The following DENND3 variants were observed in gnomAD, a reference collection of about 807,000 sequenced individuals.
DENND3 encodes the protein DENN domain containing 3.
Under a neutral mutation model 135.1 loss-of-function variants are expected in DENND3, and 88 were observed. The observed-to-expected ratio is 0.65, with a 90% CI of 0.55 to 0.78. The LOEUF (loss-of-function observed/expected upper bound fraction) is 0.78, where lower values mean the gene tolerates loss of function less well. DENND3 is among the 30% of genes least tolerant of loss of function. DENND3 has a pLI of 0.00. For missense variants in DENND3, 1,392 were observed against 1,688.4 expected (o/e 0.82, Z 3.08); for synonymous variants, 693 against 712.3 (o/e 0.97, Z 0.43).
rs1589605589 is a variant in DENND3, at chr8:141,155,977, G to A, written c.1196+7G>A. The A allele has an allele frequency of 6.3e-7, 1 of 1,596,960 alleles. No individual in the cohort carries two copies. On this transcript the variant is annotated splice_region_variant and intron_variant, in intron 8 of 22. Transcript: ENST00000519811. ...CCCAGACGTTTATTCAGAGGTAACGGGAAACATTAATGGTATGAATTTCAG... is the reference window on the plus strand; with the variant it reads ...CCCAGACGTTTATTCAGAGGTAACGAGAAACATTAATGGTATGAATTTCAG...
intron 9 of DENND3, among the ~76,000 whole-genome samples, chr8:141,162,542 C>T (rs969755446): frequency 3.3e-5 from 5 of 152,072 alleles, no homozygotes; most frequent in African/African-American, 1.2e-4. Flanking sequence ...CTAAGTATGC[C>T]CTGTAAGGTT....
chr8:141,166,127 T>A lies in DENND3; in HGVS notation c.1554-63T>A, dbSNP rs1820752463. ...CATCACACTGGGAAAAATGCTTAGT[T>A]TAGGCTTATTCTTCAATCATTATTG... is the stretch of plus-strand genomic sequence containing the variant. On this transcript the variant is annotated intron_variant, in intron 11 of 22. Coordinates refer to ENST00000519811, the MANE Select transcript of DENND3 (RefSeq NM_001352890.3). This position sits in a 1 kb window ranked among gnomAD's most constrained non-coding sequence, Gnocchi z 4.3. 4.6e-6 allele frequency: 7 copies of A among 1,530,588 alleles called. No individual in the cohort carries two copies. The highest frequency in any genetic ancestry group is 6.3e-6 in the Non-Finnish European group (7 of 1,108,234). The allele number at this position is 1,530,588 out of a possible 1,614,324, so 94.8% of individuals were successfully genotyped here. A position where few individuals can be genotyped will look rare whatever the true frequency, so the allele number is the denominator to read the frequency against.
At chr8:141,151,503 G>A in intron 6 of DENND3, 116 bp from the exon 7 acceptor site, 2 of 955,838 alleles carry the variant, frequency 2.1e-6, no homozygotes, top group Non-Finnish European at 3.2e-6. Context: ...CGAGGCTGCA[G>A]TGAGCTATGA....
In DENND3 at chr8:141,168,472, G is replaced by C; in HGVS notation, c.2222G>C (p.Gly741Ala). 1 of 1,613,502 alleles carries C rather than the reference G, an allele frequency of 6.2e-7. No individual in the cohort carries two copies. Among genetic ancestry groups the C allele is most frequent in the Non-Finnish European group, 8.5e-7 (1 of 1,179,900 alleles). ...GDFMKRVQES[G>A]IVKDASIIHR... The stretch of plus-strand genomic sequence containing the variant: ...TTCATGAAGCGGGTCCAGGAGTCAG[G>C]GATCGTGAAGGACGCCAGCATCATA... The change falls in exon 13 of 23, where the codon GGG (glycine) becomes GCG (alanine). Residue 741 changes from glycine to alanine, a missense_variant. By Grantham distance (60) the Gly-to-Ala change is moderately conservative. Transcript: ENST00000519811. The surrounding 1 kb of genome is among the most constrained non-coding windows in gnomAD (Gnocchi z 6.2).
intron 13 of DENND3, among the ~76,000 whole-genome samples, chr8:141,172,457 C>A (rs556043140): frequency 1.3e-5 from 2 of 152,256 alleles, no homozygotes; most frequent in Admixed American, 6.5e-5. Context: ...CTGAGGTCAG[C>A]GCTGTTATCT....
intron 10 of DENND3, among the ~76,000 whole-genome samples, chr8:141,164,406 T>C (rs1377756612): frequency 6.6e-6 from 1 of 152,234 alleles, no homozygotes; most frequent in Non-Finnish European, 1.5e-5. Flanking sequence ...GGGTTTGTTT[T>C]TACAGCTTTG....
At chr8:141,186,181 G>A (rs1183413526) in intron 18 of DENND3, among the ~76,000 whole-genome samples, 1 of 152,114 alleles carries the variant, frequency 6.6e-6, no homozygotes, top group East Asian at 1.9e-4. Context: ...CTGTACTGCA[G>A]CACTAAGGTT....
In DENND3 at chr8:141,174,208, G is replaced by A. The variant is rs1569556409; in HGVS notation, c.2276-992G>A. Among the ~76,000 whole-genome samples, 1 of 152,146 alleles carries A rather than the reference G, an allele frequency of 6.6e-6. No individual in the cohort carries two copies. Among genetic ancestry groups the A allele is most frequent in the Non-Finnish European group, 1.5e-5 (1 of 68,022 alleles). ...TGGGGCCCAATCTTGGAAGAATGTGGCTGTGGTATACAGAAGCAGCCCTGA... is the reference window on the plus strand; with the variant it reads ...TGGGGCCCAATCTTGGAAGAATGTGACTGTGGTATACAGAAGCAGCCCTGA... On this transcript the variant is annotated intron_variant, in intron 13 of 22. Transcript: ENST00000519811. The surrounding 1 kb of genome is among the most constrained non-coding windows in gnomAD (Gnocchi z 4.6).
intron 20 of DENND3, among the ~76,000 whole-genome samples, chr8:141,190,949 G>A (rs993676423): frequency 5.3e-5 from 8 of 152,242 alleles, no homozygotes; most frequent in South Asian, 2.1e-4. Flanking sequence ...ATTTCTGGAC[G>A]CCCCAGAGCA....
chr8:141,168,043 T>A lies in DENND3; in HGVS notation c.1793T>A (p.Ile598Asn). The A allele has an allele frequency of 6.2e-7, 1 of 1,613,802 alleles. No homozygotes were observed. Among genetic ancestry groups the A allele is most frequent in the East Asian group, 2.2e-5 (1 of 44,876 alleles). Reference sequence around the variant, plus strand: ...CCGAAGTCCCCGTATACATTCAAGATTCCCGAAATCCACTTTCCGCTGGAG... The same window carrying A: ...CCGAAGTCCCCGTATACATTCAAGAATCCCGAAATCCACTTTCCGCTGGAG... Reference protein sequence around the residue: ...VTPKSPYTFKIPEIHFPLESK... With the variant: ...VTPKSPYTFKNPEIHFPLESK... Residue 598 changes from isoleucine to asparagine, a missense_variant, in exon 13 of 23, where the codon ATT becomes AAT. Physicochemically the swap from Ile to Asn is moderately radical, Grantham distance 149. Coordinates refer to ENST00000519811, the MANE Select transcript of DENND3 (RefSeq NM_001352890.3). The surrounding 1 kb of genome is among the most constrained non-coding windows in gnomAD (Gnocchi z 6.2).
chr8:141,128,910 T>C lies in DENND3; in HGVS notation c.102+101T>C, dbSNP rs867311355. On this transcript the variant is annotated intron_variant, in intron 1 of 22. Transcript: ENST00000519811. The surrounding 1 kb of genome is among the most constrained non-coding windows in gnomAD (Gnocchi z 4.5). Reference sequence around the variant, plus strand: ...GGGTGCCCTGTGGGTTGGCGCGGACTTTCCGAGGGCTGAGTCCCGGTCCCC... The same window carrying C: ...GGGTGCCCTGTGGGTTGGCGCGGACCTTCCGAGGGCTGAGTCCCGGTCCCC... 1.0e-4 allele frequency: 92 copies of C among 891,624 alleles called. No homozygotes were observed. The Middle Eastern group carries it at 2.6e-3, about 26-fold the overall frequency. The allele number at this position is 891,624 out of a possible 1,614,324, so 55.2% of individuals were successfully genotyped here.
intron 8 of DENND3, among the ~76,000 whole-genome samples, chr8:141,157,199 T>C (rs1002514245): frequency 6.6e-6 from 1 of 152,172 alleles, no homozygotes; most frequent in African/African-American, 2.4e-5. Context: ...TCAAATAATA[T>C]TTCATGCTTT....
rs1569555467 is a variant in DENND3, at chr8:141,145,834, TA to T, written c.735+1576del. 3.0e-3 allele frequency among the ~76,000 whole-genome samples: 249 copies of T among 82,278 alleles called. 16 individuals carry two copies. The highest frequency in any genetic ancestry group is 0.02 in the African/African-American group (236 of 11,554). The allele number at this position is 82,278 out of a possible 152,430, so 54.0% of individuals were successfully genotyped here. ...ATATATATATATATATATATATATA[TA>T]TATATATATATATATGTATTTTTTT... On this transcript the variant is annotated intron_variant, in intron 5 of 22. Coordinates refer to ENST00000519811, the MANE Select transcript of DENND3 (RefSeq NM_001352890.3).
chr8:141,161,832 A>C (rs1589625440), intron 9 of DENND3, among the ~76,000 whole-genome samples: 2 of 126,008 alleles, frequency 1.6e-5, no homozygotes, highest in African/African-American at 6.3e-5. Flanking sequence ...ATGGAGTCTC[A>C]CTCTGTCACC....
rs80275915 is a variant in DENND3, at chr8:141,161,046, C to A, written c.1352+259C>A. 5.0e-5 allele frequency among the ~76,000 whole-genome samples: 7 copies of A among 139,924 alleles called. No individual in the cohort carries two copies. The South Asian group carries it at 9.9e-4, about 20-fold the overall frequency. The allele number at this position is 139,924 out of a possible 152,430, so 91.8% of individuals were successfully genotyped here. ...CTGGTGACTGCCTTCCTAACAGCTT[C>A]TCCTGCTGGTGACTGTGCCTTACTA... On this transcript the variant is annotated intron_variant, in intron 9 of 22. Coordinates refer to ENST00000519811, the MANE Select transcript of DENND3 (RefSeq NM_001352890.3).
chr8:141,136,366 C>T, intron 1 of DENND3, 143 bp from the exon 2 acceptor site: 1 of 844,098 alleles, frequency 1.2e-6, no homozygotes. Context: ...TTCCCAGGAG[C>T]CCTTTACTGT....
chr8:141,166,389 G>A lies in DENND3; in HGVS notation c.1753G>A (p.Val585Ile). 6.2e-7 allele frequency: 1 copy of A among 1,610,170 alleles called. No homozygotes were observed. The highest frequency in any genetic ancestry group is 8.5e-7 in the Non-Finnish European group (1 of 1,179,514). Reference protein sequence around the residue: ...DTAGCRGSSAVLNVTPKSPYT... With the variant: ...DTAGCRGSSAILNVTPKSPYT... ...CGCAGGCTGTAGGGGCAGCAGCGCA[G>A]GTGAGGGCTGCCCCCCACTGTGGTG... The change falls in exon 12 of 23, where the codon GTT (valine) becomes ATT (isoleucine). Residue 585 changes from valine to isoleucine, a missense_variant and splice_region_variant. Coordinates refer to ENST00000519811, the MANE Select transcript of DENND3 (RefSeq NM_001352890.3). The surrounding 1 kb of genome is among the most constrained non-coding windows in gnomAD (Gnocchi z 4.3).
At chr8:141,173,473 CG>C (rs1180391419) in intron 13 of DENND3, 1 of 152,196 alleles carries the variant, frequency 6.6e-6, no homozygotes, top group African/African-American at 2.4e-5. Context: ...GCCTGTGACT[CG>C]GAAGTGAGAT....
At chr8:141,149,753 G>T (rs1295981562) in intron 5 of DENND3, among the ~76,000 whole-genome samples, 1 of 152,254 alleles carries the variant, frequency 6.6e-6, no homozygotes, top group Admixed American at 6.5e-5. Flanking sequence ...ATGTGAAGGT[G>T]TCCCCCGCTG....
Sources: gnomAD v4.1 joint callset for allele counts (sites outside exome capture counted in the v4.1 genomes callset) on GRCh38, gnomAD v4.1.1 for gene constraint, Gnocchi (gnomAD v3.1) non-coding constraint, MANE v1.5 for transcripts, NCBI Gene and HGNC (gene_info 2026-07-23, HGNC 2026-07-21) for gene names.